The following CENPE variants were observed in gnomAD, a reference collection of about 807,000 sequenced individuals.
CENPE encodes the protein centromere protein E, also known as centromere-associated protein E.
Under a neutral mutation model 336.1 loss-of-function variants are expected in CENPE, and 145 were observed. The ratio of observed to expected loss-of-function variants is 0.43; its 90% CI spans 0.38 to 0.50. CENPE has a LOEUF of 0.50. Ranked by LOEUF, CENPE falls within the 20% of genes least tolerant of loss-of-function variation. The probability of loss-of-function intolerance (pLI) is 0.00; values close to 1 mark genes in which losing one functional copy is unlikely to be tolerated. For synonymous variants in CENPE, 1,013 were observed against 984.8 expected, an observed-to-expected ratio of 1.03 and a Z score of -0.54; for missense variants, 2,719 against 3,023.3, an observed-to-expected ratio of 0.90 and a Z score of 2.36.
chr4:103,155,954 A>G (rs1753927189), intron 24 of CENPE, among the ~76,000 whole-genome samples: 1 of 152,208 alleles, frequency 6.6e-6, no homozygotes, highest in African/African-American at 2.4e-5. Context: ...TACACTAACA[A>G]TGAACGATCC....
At chr4:103,182,222 G>A (rs1243111266) in intron 11 of CENPE, among the ~76,000 whole-genome samples, 1 of 152,074 alleles carries the variant, frequency 6.6e-6, no homozygotes, top group Non-Finnish European at 1.5e-5. Context: ...CTCCCCAGTA[G>A]CTGGGATTAC....
chr4:103,106,733 C>T (rs1176381014), intron 48 of CENPE, among the ~76,000 whole-genome samples: 1 of 152,012 alleles, frequency 6.6e-6, no homozygotes, highest in African/African-American at 2.4e-5. Flanking sequence ...TTAGCTGCAT[C>T]TATTTGCTTA....
intron 18 of CENPE, among the ~76,000 whole-genome samples, chr4:103,162,664 C>T (rs1754555111): frequency 6.6e-6 from 1 of 151,776 alleles, no homozygotes; most frequent in African/African-American, 2.4e-5. Context: ...CCTCAACCTC[C>T]CAGGCTCAAG....
chr4:103,189,384 A>C (rs1757097342), intron 8 of CENPE, among the ~76,000 whole-genome samples: 1 of 152,170 alleles, frequency 6.6e-6, no homozygotes, highest in African/African-American at 2.4e-5. Context: ...TCGATACAAA[A>C]ATCCTCAATA....
At chr4:103,182,962 T>G in intron 10 of CENPE, 71 bp from the exon 11 acceptor site, 1 of 1,449,444 alleles carries the variant, frequency 6.9e-7, no homozygotes, top group Non-Finnish European at 9.4e-7. Context: ...TGGTTTTTAA[T>G]GCAGAACTCT....
chr4:103,175,563 G>A (rs546601897), intron 15 of CENPE, among the ~76,000 whole-genome samples: 5 of 151,988 alleles, frequency 3.3e-5, no homozygotes, highest in Non-Finnish European at 5.9e-5. Context: ...AGTAAACACG[G>A]AATCTAAACT....
intron 44 of CENPE, among the ~76,000 whole-genome samples, chr4:103,118,116 T>C (rs1390064004): frequency 2.0e-5 from 3 of 152,204 alleles, no homozygotes; most frequent in Admixed American, 6.5e-5. Context: ...TGCTCAATCA[T>C]ACAAGTATGC....
In CENPE at chr4:103,134,002, C is replaced by T; in HGVS notation, c.6523-110G>A. On this transcript the variant is annotated intron_variant, in intron 40 of 48. Coordinates refer to ENST00000265148, the MANE Select transcript of CENPE (RefSeq NM_001813.3). ...GATGACATCTCTTATTTACCTATAT[C>T]CTCTCACAAGTGAGGAAAAGGGAAA... 4 of 717,038 alleles carry T rather than the reference C, an allele frequency of 5.6e-6. No homozygotes were observed. The South Asian group carries it at 6.5e-5, about 12-fold the overall frequency. 44.4% of individuals were successfully genotyped at this position (717,038 alleles called of 1,614,324 possible).
intron 1 of CENPE, 116 bp downstream of exon 1, chr4:103,198,148 A>T (rs766333473): frequency 3.1e-6 from 3 of 957,592 alleles, no homozygotes; most frequent in Non-Finnish European, 4.7e-6. Context: ...CAGCCGAGTC[A>T]CTAGACAGCA....
intron 33 of CENPE, 111 bp downstream of exon 33, chr4:103,144,220 G>C: frequency 1.1e-6 from 1 of 869,786 alleles, no homozygotes; most frequent in Non-Finnish European, 1.7e-6. Flanking sequence ...ACCGGCTCGA[G>C]CCACCGCGCC....
intron 43 of CENPE, among the ~76,000 whole-genome samples, chr4:103,122,458 A>G (rs560933265): frequency 2.6e-5 from 4 of 152,344 alleles, no homozygotes; most frequent in South Asian, 2.1e-4. Context: ...TGATTATAAC[A>G]TTAAGCAATA....
Position 103,160,684 on chromosome 4 carries a change from C to T in CENPE, c.2227G>A (p.Val743Ile), listed in dbSNP as rs751968425. Residue 743 changes from valine (V) to isoleucine (I), a missense_variant, in exon 21 of 49, where the codon GTC becomes ATC. Physicochemically the swap from Val to Ile is conservative, Grantham distance 29 (BLOSUM62 3). This residue lies in a region of CENPE where 2,437 missense variants were observed against 2,513.3 expected (regional missense o/e 0.97). Transcript: ENST00000265148. The stretch of plus-strand genomic sequence containing the variant: ...GATTTCAATTCTGAAAGCAAAATGA[C>T]TTCTTCCCGCAAAGCTTCATTTTCT... The part of the protein sequence containing the change: ...VEENEALREE[V>I]ILLSELKSLP... The T allele has an allele frequency of 6.2e-7, 1 of 1,611,134 alleles. No individual in the cohort carries two copies. The highest frequency in any genetic ancestry group is 8.5e-7 in the Non-Finnish European group (1 of 1,178,500).
intron 42 of CENPE, among the ~76,000 whole-genome samples, chr4:103,124,476 T>C (rs1193743587): frequency 6.6e-6 from 1 of 152,224 alleles, no homozygotes; most frequent in South Asian, 2.1e-4. Context: ...ATATATGCTA[T>C]GGCTGATAAT....
chr4:103,144,158 G>T (rs1752806141), intron 33 of CENPE, among the ~76,000 whole-genome samples, 173 bp downstream of exon 33: 1 of 152,060 alleles, frequency 6.6e-6, no homozygotes, highest in Non-Finnish European at 1.5e-5. Flanking sequence ...GGATGGTCTT[G>T]ATCTCCTGAC....
intron 44 of CENPE, among the ~76,000 whole-genome samples, chr4:103,117,301 T>C (rs956808238): frequency 2.6e-5 from 4 of 152,214 alleles, no homozygotes; most frequent in Admixed American, 6.5e-5. Flanking sequence ...GTGATGAATA[T>C]TGATACATTA....
At chr4:103,196,438 G>C (rs770561998) in intron 2 of CENPE, among the ~76,000 whole-genome samples, 186 bp from the exon 3 acceptor site, 6 of 152,012 alleles carry the variant, frequency 3.9e-5, no homozygotes, top group Non-Finnish European at 8.8e-5. Flanking sequence ...AAGGTAAAAT[G>C]AGTTCATTTT....
At chr4:103,191,576 C>G (rs892356248) in intron 8 of CENPE, among the ~76,000 whole-genome samples, 1 of 145,344 alleles carries the variant, frequency 6.9e-6, no homozygotes, top group Non-Finnish European at 1.5e-5. Context: ...CATGTTCTCA[C>G]TCATAGGTTG....
At chr4:103,120,008 C>T in intron 44 of CENPE, 140 bp downstream of exon 44, 1 of 560,994 alleles carries the variant, frequency 1.8e-6, no homozygotes, top group East Asian at 3.1e-5. Context: ...GCTGCTTCTG[C>T]TTGAGTACTG....
chr4:103,147,323 C>T, intron 29 of CENPE, 33 bp downstream of exon 29: 4 of 1,541,404 alleles, frequency 2.6e-6, no homozygotes, highest in Non-Finnish European at 3.5e-6. Flanking sequence ...TTATAAGACA[C>T]TTGTTAAAAT....
Sources: gnomAD v4.1 joint callset for allele counts (sites outside exome capture counted in the v4.1 genomes callset) on GRCh38, gnomAD v4.1.1 for gene constraint, gnomAD v4.1.1 regional missense constraint, MANE v1.5 for transcripts, NCBI Gene and HGNC (gene_info 2026-07-23, HGNC 2026-07-21) for gene names.